Variants in CERS4 observed in about 807,000 individuals in gnomAD.
CERS4 encodes ceramide synthase 4.
CERS4 carries 65 observed loss-of-function variants against 51.8 expected under a neutral mutation model. The ratio of observed to expected loss-of-function variants is 1.26; its 90% CI spans 1.03 to 1.54. The LOEUF (loss-of-function observed/expected upper bound fraction) is 1.54, where lower values mean the gene tolerates loss of function less well. Among genes scored for constraint, CERS4 ranks in the 40% most tolerant of loss-of-function variants. The probability of loss-of-function intolerance (pLI) is 0.00; values close to 1 mark genes in which losing one functional copy is unlikely to be tolerated. For synonymous variants in CERS4, 228 were observed against 208.4 expected (o/e 1.09, Z -0.81); for missense variants, 563 against 500.4 (o/e 1.13, Z -1.19).
chr19:8,261,876 C>T, intron 11 of CERS4, 32 bp downstream of exon 11: 1 of 1,613,342 alleles, frequency 6.2e-7, no homozygotes, highest in Non-Finnish European at 8.5e-7. Flanking sequence ...GGCCCCAGCC[C>T]TAAGCTCCTC....
At chr19:8,261,466 A>C in intron 10 of CERS4, 1 of 573,168 alleles carries the variant, frequency 1.7e-6, no homozygotes, top group Non-Finnish European at 3.1e-6. Context: ...ATAGTCATGA[A>C]TGGCCAGTCA....
At chr19:8,233,511 A>T (rs1365373768) in intron 2 of CERS4, among the ~76,000 whole-genome samples, 1 of 151,842 alleles carries the variant, frequency 6.6e-6, no homozygotes, top group Non-Finnish European at 1.5e-5. Flanking sequence ...TATCATTGTT[A>T]TCTATGAAAG....
intron 3 of CERS4, 35 bp from the exon 4 acceptor site, chr19:8,254,464 C>A (rs1969261994): frequency 2.5e-6 from 4 of 1,602,348 alleles, no homozygotes; most frequent in Non-Finnish European, 3.4e-6. Flanking sequence ...CATCTCTTCA[C>A]CTGGGCTGAT....
chr19:8,212,976 T>TA (rs1188150115), intron 2 of CERS4, among the ~76,000 whole-genome samples: 1 of 152,038 alleles, frequency 6.6e-6, no homozygotes, highest in Non-Finnish European at 1.5e-5. Flanking sequence ...GGCTGCTCTT[T>TA]ACCAACCCTG....
At chr19:8,235,058 G>C (rs1968185316) in intron 2 of CERS4, among the ~76,000 whole-genome samples, 1 of 142,144 alleles carries the variant, frequency 7.0e-6, no homozygotes, top group African/African-American at 2.6e-5. Context: ...GCCCAGACTG[G>C]AGTGCAATGG....
At chr19:8,247,028 T>TG (rs1968817008) in intron 2 of CERS4, among the ~76,000 whole-genome samples, 1 of 152,056 alleles carries the variant, frequency 6.6e-6, no homozygotes. Context: ...TAGCCAGGCA[T>TG]GGTGGCGCAT....
chr19:8,260,132 A>G (rs1156259832), intron 10 of CERS4, among the ~76,000 whole-genome samples: 1 of 151,926 alleles, frequency 6.6e-6, no homozygotes, highest in East Asian at 1.9e-4. Flanking sequence ...AGCACTGTGG[A>G]GTGAGGAAGG....
intron 2 of CERS4, among the ~76,000 whole-genome samples, chr19:8,215,430 G>C (rs1350922289): frequency 1.3e-5 from 2 of 150,696 alleles, no homozygotes; most frequent in Non-Finnish European, 3.0e-5. Context: ...AGTGAGCAGA[G>C]ATCACACCAC....
intron 2 of CERS4, chr19:8,250,734 C>T (rs1471269399): frequency 3.2e-5 from 27 of 838,618 alleles, no homozygotes; most frequent in African/African-American, 5.5e-5. Context: ...GGATTACAGG[C>T]GTGAGCAACT....
At chr19:8,229,645 G>A (rs1353219327) in intron 2 of CERS4, among the ~76,000 whole-genome samples, 1 of 152,068 alleles carries the variant, frequency 6.6e-6, no homozygotes, top group Admixed American at 6.6e-5. Flanking sequence ...CTGACCTTAG[G>A]TGATCTGCTG....
chr19:8,230,511 C>T (rs937837025), intron 2 of CERS4, among the ~76,000 whole-genome samples: 9 of 152,202 alleles, frequency 5.9e-5, no homozygotes, highest in Admixed American at 4.6e-4. Context: ...CTTTTGATAT[C>T]ATCCAGAAAA....
At position 8,257,222 on chromosome 19, in the gene CERS4, C is replaced by G. The variant is rs539160545; in HGVS notation, c.741+145C>G. The G allele has an allele frequency of 1.1e-5, 9 of 840,612 alleles. No homozygotes were observed. The East Asian group carries it at 2.1e-4, about 20-fold the overall frequency. 52.1% of individuals were successfully genotyped at this position (840,612 alleles called of 1,614,324 possible). On this transcript the variant is annotated intron_variant, in intron 9 of 11. Coordinates refer to ENST00000251363, the MANE Select transcript of CERS4 (RefSeq NM_024552.3). ...TTTCTCGGGTGATGAGGCCCTGCCC[C>G]CTCTGTCTTCCAGGCTGATAAGGCC...
At chr19:8,251,366 A>G in intron 3 of CERS4, 117 bp downstream of exon 3, 2 of 1,434,962 alleles carry the variant, frequency 1.4e-6, no homozygotes, top group Non-Finnish European at 1.8e-6. Context: ...TTTGCACCAA[A>G]GCGCGTTCCC....
chr19:8,250,743 C>T, intron 2 of CERS4: 1 of 953,850 alleles, frequency 1.0e-6, no homozygotes, highest in Non-Finnish European at 1.3e-6. Context: ...GCGTGAGCAA[C>T]TGCGCCCGGC....
intron 2 of CERS4, among the ~76,000 whole-genome samples, chr19:8,238,060 A>C (rs1968353196): frequency 6.6e-6 from 1 of 151,638 alleles, no homozygotes; most frequent in African/African-American, 2.4e-5. Flanking sequence ...TCCCTGCTCC[A>C]CTACTCCACC....
At chr19:8,235,235 CTGACCTCGTGAT>C (rs966753835) in intron 2 of CERS4, among the ~76,000 whole-genome samples, 27 of 151,524 alleles carry the variant, frequency 1.8e-4, no homozygotes, top group Middle Eastern at 3.4e-3. Flanking sequence ...TCTTGATCTC[CTGACCTCGTGAT>C]CTGCCCCCCT....
At chr19:8,224,406 C>CA (rs34399032) in intron 2 of CERS4, among the ~76,000 whole-genome samples, 2,769 of 104,314 alleles carry the variant, frequency 0.027, 51 homozygotes, top group African/African-American at 0.059. Context: ...GACTCCATCG[C>CA]AAAAAAAAAA....
Position 8,228,682 on chromosome 19 carries a change from A to C in CERS4, c.-2+17820A>C, listed in dbSNP as rs543396836. Among the ~76,000 whole-genome samples the C allele has an allele frequency of 7.4e-5, 11 of 149,304 alleles. 2 individuals are homozygous for C. Among genetic ancestry groups the C allele is most frequent in the African/African-American group, 2.7e-4 (11 of 40,414 alleles). On this transcript the variant is annotated intron_variant, in intron 2 of 11. Coordinates refer to ENST00000251363, the MANE Select transcript of CERS4 (RefSeq NM_024552.3). ...AAGAGCAAAACTCCGTCTCAAAAAA[A>C]AAATTTTTTTTTTAAGAAGTCACCC...
chr19:8,261,063 C>G (rs570121815), intron 10 of CERS4: 4 of 152,036 alleles, frequency 2.6e-5, no homozygotes, highest in Admixed American at 6.6e-5. Flanking sequence ...AGGAGGAGTT[C>G]GAGGGAAGGA....
Sources: gnomAD v4.1 joint callset for allele counts (sites outside exome capture counted in the v4.1 genomes callset) on GRCh38, gnomAD v4.1.1 for gene constraint, MANE v1.5 for transcripts, NCBI Gene and HGNC (gene_info 2026-07-23, HGNC 2026-07-21) for gene names.